Variants in ZNF407 observed in about 807,000 individuals in gnomAD.
ZNF407 encodes the protein zinc finger protein 407.
ZNF407 carries 17 observed loss-of-function variants against 131.2 expected under a neutral mutation model. That is an observed-to-expected ratio of 0.13 (90% confidence interval 0.09 to 0.19). ZNF407 has a LOEUF of 0.19. Ranked by LOEUF, ZNF407 falls within the 10% of genes least tolerant of loss-of-function variation. The pLI, the probability that ZNF407 is intolerant of heterozygous loss-of-function variation, is 1.00. For missense variants in ZNF407, 2,681 were observed against 2,830.6 expected, an observed-to-expected ratio of 0.95 and a Z score of 1.20; for synonymous variants, 1,156 against 1,062.0, an observed-to-expected ratio of 1.09 and a Z score of -1.72.
chr18:74,707,414 A>T (rs1322182907), intron 3 of ZNF407, among the ~76,000 whole-genome samples: 10 of 151,834 alleles, frequency 6.6e-5, no homozygotes, highest in Admixed American at 5.3e-4. Flanking sequence ...CAGACTTCAA[A>T]TTTTTTTTGG....
chr18:74,742,696 A>C (rs1311375511), intron 3 of ZNF407, among the ~76,000 whole-genome samples: 1 of 152,166 alleles, frequency 6.6e-6, no homozygotes, highest in Admixed American at 6.6e-5. Context: ...ATGTAGCTGC[A>C]GTAGCTCAAA....
intron 3 of ZNF407, 129 bp downstream of exon 3, chr18:74,641,251 G>T (rs1282856865): frequency 9.2e-6 from 6 of 651,302 alleles, no homozygotes; most frequent in Non-Finnish European, 1.7e-5. Flanking sequence ...CCTTTCCATT[G>T]TTATGGTAAA....
intron 8 of ZNF407, among the ~76,000 whole-genome samples, chr18:75,004,551 G>A (rs995638309): frequency 6.6e-6 from 1 of 152,108 alleles, no homozygotes; most frequent in Non-Finnish European, 1.5e-5. Context: ...GGGTCACTCA[G>A]CCTATCAAGC....
chr18:74,844,724 C>T (rs2628129), intron 4 of ZNF407, among the ~76,000 whole-genome samples: 149,412 of 152,208 alleles, frequency 0.98, 73,401 homozygotes, highest in East Asian at 1. Context: ...GTCATCAAAA[C>T]GGGGAAACAC....
chr18:74,804,172 T>G, intron 4 of ZNF407: 3 of 1,409,870 alleles, frequency 2.1e-6, no homozygotes, highest in Admixed American at 2.8e-5. Context: ...TGTACTTCTT[T>G]GCATACTTGA....
At chr18:74,987,256 T>A (rs927447821) in intron 8 of ZNF407, among the ~76,000 whole-genome samples, 2 of 152,104 alleles carry the variant, frequency 1.3e-5, no homozygotes, top group African/African-American at 4.8e-5. Flanking sequence ...CATAGATAAG[T>A]CCAAAGTTGT....
chr18:74,732,266 C>T (rs764926960), intron 3 of ZNF407, among the ~76,000 whole-genome samples: 1 of 151,896 alleles, frequency 6.6e-6, no homozygotes, highest in Non-Finnish European at 1.5e-5. Context: ...TTGTGTTTCC[C>T]AAGCTTAGTT....
intron 8 of ZNF407, among the ~76,000 whole-genome samples, chr18:75,046,574 A>C (rs746989111): frequency 6.6e-6 from 1 of 152,208 alleles, no homozygotes; most frequent in East Asian, 1.9e-4. Flanking sequence ...TAGAAAGTCG[A>C]GTCAGTACCC....
intron 2 of ZNF407, among the ~76,000 whole-genome samples, chr18:74,639,912 A>G (rs1984631699): frequency 6.6e-6 from 1 of 152,084 alleles, no homozygotes; most frequent in Non-Finnish European, 1.5e-5. Flanking sequence ...ACAAAGGTTC[A>G]TTGATCAAAT....
intron 3 of ZNF407, among the ~76,000 whole-genome samples, chr18:74,765,216 A>G (rs1335897724): frequency 6.6e-6 from 1 of 151,954 alleles, no homozygotes; most frequent in Non-Finnish European, 1.5e-5. Flanking sequence ...ATTTATAGTA[A>G]TTGTTTTATT....
chr18:74,610,384 C>G (rs923188661), intron 1 of ZNF407, among the ~76,000 whole-genome samples: 1 of 152,048 alleles, frequency 6.6e-6, no homozygotes, highest in Non-Finnish European at 1.5e-5. Flanking sequence ...CCACATTTCC[C>G]CTCTCCCTCT....
chr18:74,844,229 A>G (rs937367937), intron 4 of ZNF407, among the ~76,000 whole-genome samples: 2 of 151,854 alleles, frequency 1.3e-5, no homozygotes, highest in Non-Finnish European at 2.9e-5. Context: ...CTCCTCCCCC[A>G]TGGCGTGAGC....
chr18:74,819,083 C>T (rs1483698666), intron 4 of ZNF407, among the ~76,000 whole-genome samples: 2 of 152,216 alleles, frequency 1.3e-5, no homozygotes, highest in East Asian at 1.9e-4. Context: ...ATCTGAAGTC[C>T]CCCAGCCGCC....
chr18:74,743,549 A>G (rs1315111454), intron 3 of ZNF407, among the ~76,000 whole-genome samples: 1 of 152,206 alleles, frequency 6.6e-6, no homozygotes, highest in Non-Finnish European at 1.5e-5. Flanking sequence ...TTTGAAATAT[A>G]TAATATTCCT....
At chr18:74,943,696 A>C (rs887683008) in intron 8 of ZNF407, among the ~76,000 whole-genome samples, 8 of 152,238 alleles carry the variant, frequency 5.3e-5, no homozygotes, top group Non-Finnish European at 7.3e-5. Context: ...CCCGTGAAGT[A>C]ACTAGAATGA....
intron 3 of ZNF407, among the ~76,000 whole-genome samples, chr18:74,780,966 C>T (rs1431047141): frequency 6.6e-6 from 1 of 152,132 alleles, no homozygotes; most frequent in Non-Finnish European, 1.5e-5. Context: ...TTAAAAACCT[C>T]TCTTCAAGTT....
intron 4 of ZNF407, among the ~76,000 whole-genome samples, chr18:74,832,680 T>C (rs949654153): frequency 6.6e-6 from 1 of 152,202 alleles, no homozygotes; most frequent in Non-Finnish European, 1.5e-5. Flanking sequence ...TAGTTTTGAA[T>C]CTTACAGTTG....
rs192622975 is a variant in ZNF407 at position 75,057,579 on chromosome 18, C to T, written c.5429-5571C>T. 2.2e-3 allele frequency among the ~76,000 whole-genome samples: 332 copies of T among 152,266 alleles called. 7 individuals carry two copies. The highest frequency in any genetic ancestry group is 5.1e-4 in the Non-Finnish European group (35 of 68,018). ...ATAAGTTTTACAGCCAGCACGTGTG[C>T]GGCCGAGGAGCCCAAGCCTGTGTCC... is the stretch of plus-strand genomic sequence containing the variant. On this transcript the variant is annotated intron_variant, in intron 8 of 8. Transcript: ENST00000299687.
At chr18:74,843,579 A>G (rs1426977033) in intron 4 of ZNF407, among the ~76,000 whole-genome samples, 1 of 152,214 alleles carries the variant, frequency 6.6e-6, no homozygotes, top group Admixed American at 6.5e-5. Context: ...GCATGGGACT[A>G]GCAAATCTGA....
Sources: allele counts gnomAD v4.1 joint callset (sites outside exome capture counted in the v4.1 genomes callset), GRCh38; gene constraint gnomAD v4.1.1; transcripts MANE v1.5; gene names NCBI Gene and HGNC (gene_info 2026-07-23, HGNC 2026-07-21).